The following CFAP299 variants were observed in gnomAD, a reference collection of about 807,000 sequenced individuals.
CFAP299 encodes the protein cilia and flagella associated protein 299, also known as cilia- and flagella-associated protein 299.
A neutral mutation model predicts 27.0 loss-of-function variants in CFAP299; 21 were observed. The observed-to-expected ratio is 0.78, with a 90% CI of 0.55 to 1.12. CFAP299 has a LOEUF of 1.12. CFAP299 is among the 50% of genes most tolerant of loss of function. CFAP299 has a pLI of 0.00. For missense variants in CFAP299, 310 were observed against 276.6 expected (o/e 1.12, Z -0.86); for synonymous variants, 104 against 98.1 (o/e 1.06, Z -0.36).
In CFAP299 at chr4:80,672,177, C is replaced by A. The variant is rs959779085; in HGVS notation, c.333+88994C>A. On this transcript the variant is annotated intron_variant, in intron 3 of 5. Transcript: ENST00000358105. ...GCTCTTATGATTCTCAGATATGTTC[C>A]ATCAATACCTAGTTTATTAAGAGTT... is the stretch of plus-strand genomic sequence containing the variant. Among the ~76,000 whole-genome samples the A allele has an allele frequency of 3.9e-5, 6 of 152,136 alleles. No homozygotes were observed. In the East Asian group the frequency reaches 1.2e-3, roughly 29 times the overall value.
intron 3 of CFAP299, among the ~76,000 whole-genome samples, chr4:80,617,852 G>C (rs756371114): frequency 2.6e-5 from 4 of 152,038 alleles, no homozygotes; most frequent in South Asian, 4.1e-4. Flanking sequence ...AGAGGAAGGA[G>C]CCATTTGAAA....
At chr4:80,324,457 A>G in the CFAP299 span, among the ~76,000 whole-genome samples, 1 of 152,240 alleles carries the variant, frequency 6.6e-6, no homozygotes, top group Non-Finnish European at 1.5e-5. Context: ...AAAATTAAGC[A>G]TGGTGCATTA....
chr4:80,552,529 C>A (rs1426932353), intron 2 of CFAP299, among the ~76,000 whole-genome samples: 1 of 151,838 alleles, frequency 6.6e-6, no homozygotes, highest in Non-Finnish European at 1.5e-5. Flanking sequence ...TTAAAGTCTC[C>A]TAATATATCT....
At chr4:80,686,298 T>C (rs1017872530) in intron 3 of CFAP299, among the ~76,000 whole-genome samples, 9 of 152,338 alleles carry the variant, frequency 5.9e-5, no homozygotes, top group African/African-American at 2.2e-4. Flanking sequence ...TCTTGACTTA[T>C]GTCTATGATG....
Position 80,750,591 on chromosome 4 carries a change from C to T in CFAP299, c.334-119402C>T, listed in dbSNP as rs150374874. Among the ~76,000 whole-genome samples, 110 of 152,282 alleles carry T rather than the reference C, an allele frequency of 7.2e-4. 1 individual carries two copies. Among genetic ancestry groups the T allele is most frequent in the Admixed American group, 5.8e-3 (88 of 15,304 alleles). ...ATTATAGAATTTATTTCATTATCAACTTGGCTTGAAACCAATCATTTTATT... is the reference window on the plus strand; with the variant it reads ...ATTATAGAATTTATTTCATTATCAATTTGGCTTGAAACCAATCATTTTATT... On this transcript the variant is annotated intron_variant, in intron 3 of 5. Coordinates refer to ENST00000358105, the MANE Select transcript of CFAP299 (RefSeq NM_152770.3).
intron 2 of CFAP299, among the ~76,000 whole-genome samples, chr4:80,557,116 A>G (rs1734820484): frequency 6.6e-6 from 1 of 152,092 alleles, no homozygotes; most frequent in Admixed American, 6.6e-5. Flanking sequence ...AAGTCCTGTT[A>G]TTCCAACACA....
chr4:80,490,298 A>G (rs1731049192), intron 2 of CFAP299, among the ~76,000 whole-genome samples: 2 of 152,218 alleles, frequency 1.3e-5, no homozygotes, highest in South Asian at 2.1e-4. Flanking sequence ...TATGTGGAAT[A>G]CTTTGAAAAA....
chr4:80,808,324 C>T (rs1304203646), intron 3 of CFAP299, among the ~76,000 whole-genome samples: 2 of 152,060 alleles, frequency 1.3e-5, no homozygotes, highest in Non-Finnish European at 2.9e-5. Flanking sequence ...TGCTGCTACC[C>T]TATGCAAACT....
At chr4:80,736,298 A>G (rs1206756784) in intron 3 of CFAP299, among the ~76,000 whole-genome samples, 9 of 152,082 alleles carry the variant, frequency 5.9e-5, no homozygotes. Flanking sequence ...CTTTCTACAT[A>G]TGGCTAGCCA....
intron 3 of CFAP299, among the ~76,000 whole-genome samples, chr4:80,735,543 G>T (rs1389311786): frequency 1.4e-4 from 21 of 151,950 alleles, no homozygotes; most frequent in Admixed American, 8.5e-4. Flanking sequence ...CTTAATTTTT[G>T]TCTATTCAAT....
chr4:80,376,999 A>G (rs1012288070), intron 2 of CFAP299, among the ~76,000 whole-genome samples: 12 of 152,152 alleles, frequency 7.9e-5, no homozygotes, highest in African/African-American at 2.2e-4. Context: ...TGTTCTTTAT[A>G]TATTCCAGTT....
intron 2 of CFAP299, among the ~76,000 whole-genome samples, chr4:80,364,089 A>AACACTCACACACACACACAC (rs1553916991): frequency 9.0e-5 from 10 of 110,880 alleles, no homozygotes; most frequent in Admixed American, 5.4e-4. Context: ...TCCGTCTCAA[A>AACACTCACACACACACACAC]ACACACACAC....
intron 3 of CFAP299, among the ~76,000 whole-genome samples, chr4:80,706,842 A>AT (rs1236751723): frequency 6.6e-6 from 1 of 151,916 alleles, no homozygotes; most frequent in Non-Finnish European, 1.5e-5. Context: ...GAGCTTTAGT[A>AT]TACATAAGAA....
At chr4:80,486,896 A>G (rs923904952) in intron 2 of CFAP299, among the ~76,000 whole-genome samples, 1 of 152,178 alleles carries the variant, frequency 6.6e-6, no homozygotes, top group African/African-American at 2.4e-5. Context: ...TTGGGTTTCT[A>G]CACAATGTCC....
intron 3 of CFAP299, among the ~76,000 whole-genome samples, chr4:80,606,828 T>TA (rs34129877): frequency 0.28 from 42,036 of 151,772 alleles, 8,778 homozygotes; most frequent in African/African-American, 0.57. Flanking sequence ...ATATGCTTTT[T>TA]AAAAAAAAAT....
At chr4:80,773,062 A>G (rs1726315677) in intron 3 of CFAP299, among the ~76,000 whole-genome samples, 1 of 152,184 alleles carries the variant, frequency 6.6e-6, no homozygotes, top group Non-Finnish European at 1.5e-5. Flanking sequence ...CTTTGCAGGG[A>G]CATGGATAAA....
chr4:80,716,004 T>A (rs1013001348), intron 3 of CFAP299, among the ~76,000 whole-genome samples: 1 of 152,052 alleles, frequency 6.6e-6, no homozygotes, highest in Non-Finnish European at 1.5e-5. Flanking sequence ...TGATTTTTAA[T>A]ATGTCTAAAT....
chr4:80,879,747 C>T (rs1733597082), intron 4 of CFAP299, among the ~76,000 whole-genome samples: 1 of 152,090 alleles, frequency 6.6e-6, no homozygotes, highest in Non-Finnish European at 1.5e-5. Flanking sequence ...TGTGTATGCA[C>T]CACTGTGCCA....
chr4:80,387,623 C>T (rs908461899), intron 2 of CFAP299: 22 of 1,358,988 alleles, frequency 1.6e-5, no homozygotes, highest in East Asian at 2.3e-5. Context: ...GTGCCACCAC[C>T]GTGTCCTGAA....
Sources: allele counts gnomAD v4.1 joint callset (sites outside exome capture counted in the v4.1 genomes callset), GRCh38; gene constraint gnomAD v4.1.1; transcripts MANE v1.5; gene names NCBI Gene and HGNC (gene_info 2026-07-23, HGNC 2026-07-21).